Variants in KAT6A observed in about 807,000 individuals in gnomAD.
The protein encoded by KAT6A is histone acetyltransferase KAT6A.
KAT6A carries 9 observed loss-of-function variants against 198.4 expected under a neutral mutation model. The observed-to-expected ratio is 0.05, with a 90% CI of 0.03 to 0.08. KAT6A has a LOEUF of 0.08. Ranked by LOEUF, KAT6A falls within the 10% of genes least tolerant of loss-of-function variation. The probability of loss-of-function intolerance (pLI) is 1.00; values close to 1 mark genes in which losing one functional copy is unlikely to be tolerated. For synonymous variants in KAT6A, 890 were observed against 883.0 expected, an observed-to-expected ratio of 1.01 and a Z score of -0.14; for missense variants, 2,077 against 2,509.9, an observed-to-expected ratio of 0.83 and a Z score of 3.69.
At chr8:42,007,949 G>C (rs796801129) in intron 2 of KAT6A, among the ~76,000 whole-genome samples, 1 of 117,732 alleles carries the variant, frequency 8.5e-6, no homozygotes, top group South Asian at 2.6e-4. Context: ...GCGACAGAGC[G>C]AGACTCCGTC....
chr8:41,942,981 C>T lies in KAT6A; in HGVS notation c.2248G>A (p.Glu750Lys). The T allele has an allele frequency of 6.2e-7, 1 of 1,614,096 alleles. No homozygotes were observed. Among genetic ancestry groups the T allele is most frequent in the Non-Finnish European group, 8.5e-7 (1 of 1,180,016 alleles). Residue 750 changes from glutamate to lysine, a missense_variant, in exon 14 of 17, where the codon GAA becomes AAA. Glu to Lys is a moderately conservative substitution (Grantham distance 56). This residue lies in a region of KAT6A where 127 missense variants were observed against 209.6 expected (regional missense o/e 0.61). Transcript: ENST00000265713. Reference protein sequence around the residue: ...RSDQFVIIRREKLIQDHMAKL... With the variant: ...RSDQFVIIRRKKLIQDHMAKL... ...GCCATGTGATCCTGGATAAGTTTTT[C>T]CCGGCGGATAATCACAAATCTGGAA...
At position 42,048,700 on chromosome 8, in the gene KAT6A, T is replaced by C; in HGVS notation, c.278A>G (p.Asn93Ser). Residue 93 changes from asparagine (N) to serine (S), a missense_variant, in exon 2 of 17, where the codon AAT becomes AGT. Asn to Ser is a conservative substitution (Grantham distance 46). Transcript: ENST00000265713. ...TTTATTCCAATCCACATTTTGTTTA[T>C]TATCCAATTTTCCATGGTTCCGAGG... ...PKPRNHGKLD[N>S]KQNVDWNKLI... 6.2e-7 allele frequency: 1 copy of C among 1,614,236 alleles called. No homozygotes were observed. Among genetic ancestry groups the C allele is most frequent in the Non-Finnish European group, 8.5e-7 (1 of 1,180,018 alleles).
intron 12 of KAT6A, among the ~76,000 whole-genome samples, chr8:41,945,046 A>C (rs1044165096): frequency 1.3e-5 from 2 of 152,244 alleles, no homozygotes; most frequent in Admixed American, 1.3e-4. Context: ...ATTGTATAGC[A>C]ATATCTGAGG....
chr8:41,971,410 T>C (rs1314238760), intron 8 of KAT6A, among the ~76,000 whole-genome samples: 2 of 152,024 alleles, frequency 1.3e-5, no homozygotes, highest in Admixed American at 6.6e-5. Flanking sequence ...GAATGGGCAG[T>C]GAACCTACTA....
chr8:41,941,465 A>G (rs919410712), intron 14 of KAT6A, 21 bp from the exon 15 acceptor site: 4 of 1,556,918 alleles, frequency 2.6e-6, no homozygotes, highest in Middle Eastern at 1.7e-4. Flanking sequence ...AAAATAAAAC[A>G]ATGCTGGTTA....
rs745681151 is a variant in KAT6A, at chr8:41,933,864, C to T, written c.4356G>A (p.Ala1452=). The T allele has an allele frequency of 2.1e-5, 34 of 1,614,022 alleles. No homozygotes were observed. Among genetic ancestry groups the T allele is most frequent in the Middle Eastern group, 1.6e-4 (1 of 6,084 alleles). Residue 1452 remains alanine, a synonymous_variant, in exon 17 of 17, where the codon GCG becomes GCA. Transcript: ENST00000265713. This position sits in a 1 kb window ranked among gnomAD's most constrained non-coding sequence, Gnocchi z 6.2. ...AYQDCEETLA[A]CQTLQSYTQA... The stretch of plus-strand genomic sequence containing the variant: ...GGGTGTAACTCTGCAGGGTCTGACA[C>T]GCCGCAAGAGTTTCCTCACAGTCCT...
intron 2 of KAT6A, among the ~76,000 whole-genome samples, chr8:42,009,139 T>C (rs997823368): frequency 6.6e-6 from 1 of 152,174 alleles, no homozygotes; most frequent in African/African-American, 2.4e-5. Context: ...GTGAGAACAT[T>C]GCATATAAAT....
chr8:41,992,675 T>TA (rs756890365), intron 2 of KAT6A, among the ~76,000 whole-genome samples: 2 of 152,030 alleles, frequency 1.3e-5, no homozygotes, highest in Non-Finnish European at 2.9e-5. Flanking sequence ...CAGTCTGGAT[T>TA]AAAAAAAGGA....
intron 9 of KAT6A, among the ~76,000 whole-genome samples, chr8:41,950,646 T>A (rs1312884218): frequency 6.6e-6 from 1 of 151,878 alleles, no homozygotes; most frequent in Non-Finnish European, 1.5e-5. Context: ...TTGTGCTTTT[T>A]AAAGTATTTT....
intron 2 of KAT6A, among the ~76,000 whole-genome samples, chr8:42,027,944 T>C (rs187413205): frequency 6.6e-6 from 1 of 152,324 alleles, no homozygotes; most frequent in African/African-American, 2.4e-5. Flanking sequence ...AACTCTGCTT[T>C]TGCTATATCC....
intron 2 of KAT6A, among the ~76,000 whole-genome samples, chr8:42,023,023 A>G (rs2150916687): frequency 6.6e-6 from 1 of 152,332 alleles, no homozygotes; most frequent in South Asian, 2.1e-4. Flanking sequence ...CTACACACCT[A>G]GGCTATATGG....
At chr8:42,031,747 C>G (rs1476483545) in intron 2 of KAT6A, among the ~76,000 whole-genome samples, 1 of 149,036 alleles carries the variant, frequency 6.7e-6, no homozygotes, top group Non-Finnish European at 1.5e-5. Flanking sequence ...CTCCCTGCCT[C>G]AGCCTCCCAA....
chr8:41,978,593 A>G, intron 6 of KAT6A, 49 bp downstream of exon 6: 1 of 1,592,936 alleles, frequency 6.3e-7, no homozygotes, highest in Non-Finnish European at 8.6e-7. Flanking sequence ...TACACTATAG[A>G]GAAGACCCTA....
At chr8:42,044,105 T>C (rs1368666421) in intron 2 of KAT6A, among the ~76,000 whole-genome samples, 1 of 149,826 alleles carries the variant, frequency 6.7e-6, no homozygotes. Flanking sequence ...AAACTTTTTT[T>C]TTTTTTTTTT....
intron 11 of KAT6A, among the ~76,000 whole-genome samples, chr8:41,947,280 T>C (rs1450122361): frequency 1.3e-5 from 2 of 152,242 alleles, no homozygotes; most frequent in Admixed American, 6.5e-5. Context: ...CAGGCTTGCT[T>C]AAATAAAAGT....
Position 41,940,016 on chromosome 8 carries a change from T to TAAAAC in KAT6A, c.3039+821_3039+825dup, listed in dbSNP as rs928773042. ...AAAACTGCTCTGAAGATATTATTCT[T>TAAAAC]AAAACAAAACAAAACAAAACAAAAG... On this transcript the variant is annotated intron_variant, in intron 15 of 16. Transcript: ENST00000265713. Among the ~76,000 whole-genome samples, 31 of 152,326 alleles carry TAAAAC rather than the reference T, an allele frequency of 2.0e-4. No individual in the cohort carries two copies. In the East Asian group the frequency reaches 2.7e-3, roughly 13 times the overall value.
At chr8:42,001,668 T>A (rs1488467381) in intron 2 of KAT6A, among the ~76,000 whole-genome samples, 5 of 152,164 alleles carry the variant, frequency 3.3e-5, no homozygotes, top group Admixed American at 2.6e-4. Context: ...AGGGCAAAAG[T>A]AAGATGAAGG....
rs1227745433 is a variant in KAT6A at position 41,942,752 on chromosome 8, TATCTTCTGTCATCAAAAATAG to T, written c.2436+20_2436+40del. 6.3e-7 allele frequency: 1 copy of T among 1,596,660 alleles called. No individual in the cohort carries two copies. The highest frequency in any genetic ancestry group is 1.1e-5 in the South Asian group (1 of 88,962). On this transcript the variant is annotated intron_variant, in intron 14 of 16. Transcript: ENST00000265713. ...ATAAATACTCATGAAATCAAAAATA[TATCTTCTGTCATCAAAAATAG>T]AGACTATTCATGCCCTTACACTGAT...
chr8:42,044,256 A>G (rs1827801692), intron 2 of KAT6A, among the ~76,000 whole-genome samples: 1 of 151,912 alleles, frequency 6.6e-6, no homozygotes, highest in African/African-American at 2.4e-5. Context: ...ACCCACCATC[A>G]TGCCGGGCTG....
Sources: allele counts gnomAD v4.1 joint callset (sites outside exome capture counted in the v4.1 genomes callset), GRCh38; gene constraint gnomAD v4.1.1; regional missense constraint gnomAD v4.1.1; non-coding constraint Gnocchi (gnomAD v3.1); transcripts MANE v1.5; gene names NCBI Gene and HGNC (gene_info 2026-07-23, HGNC 2026-07-21).